Variants in ATP13A5 observed in about 807,000 individuals in gnomAD.
The protein encoded by ATP13A5 is probable cation-transporting ATPase 13A5.
ATP13A5 carries 149 observed loss-of-function variants against 150.2 expected under a neutral mutation model. That is an observed-to-expected ratio of 0.99 (90% CI 0.87 to 1.14). The LOEUF (loss-of-function observed/expected upper bound fraction) is 1.14. Among genes scored for constraint, ATP13A5 ranks in the 50% most tolerant of loss-of-function variants. ATP13A5 has a pLI of 0.00. For missense variants in ATP13A5, 1,383 were observed against 1,449.3 expected, an observed-to-expected ratio of 0.95 and a Z score of 0.74; for synonymous variants, 497 against 522.2, an observed-to-expected ratio of 0.95 and a Z score of 0.66.
At chr3:193,331,364 A>G in intron 11 of ATP13A5, 53 bp from the exon 12 acceptor site, 1 of 1,523,646 alleles carries the variant, frequency 6.6e-7, no homozygotes, top group Non-Finnish European at 8.9e-7. Flanking sequence ...GCAGACTGCC[A>G]CCCTTCCTAG....
At chr3:193,280,775 C>G (rs1489362746) in intron 27 of ATP13A5, among the ~76,000 whole-genome samples, 2 of 152,152 alleles carry the variant, frequency 1.3e-5, no homozygotes, top group African/African-American at 4.8e-5. Context: ...ATTTAATCAG[C>G]ATTGCCATGA....
At chr3:193,305,485 T>G in intron 23 of ATP13A5, 74 bp downstream of exon 23, 2 of 1,152,884 alleles carry the variant, frequency 1.7e-6, no homozygotes, top group Non-Finnish European at 2.6e-6. Context: ...CTTTAGCTTG[T>G]AGTTGAATTC....
chr3:193,352,325 G>T (rs188592295), intron 6 of ATP13A5, among the ~76,000 whole-genome samples: 78 of 152,236 alleles, frequency 5.1e-4, no homozygotes, highest in African/African-American at 1.8e-3. Context: ...ATTATAAAAT[G>T]CTCTGATTGT....
At chr3:193,286,162 T>C (rs776161514) in intron 26 of ATP13A5, among the ~76,000 whole-genome samples, 4 of 152,194 alleles carry the variant, frequency 2.6e-5, no homozygotes, top group Non-Finnish European at 4.4e-5. Flanking sequence ...CAAATTAGTT[T>C]CCACCAGCTT....
At chr3:193,294,978 G>A (rs560254198) in intron 25 of ATP13A5, among the ~76,000 whole-genome samples, 39 of 152,228 alleles carry the variant, frequency 2.6e-4, no homozygotes, top group Admixed American at 2.2e-3. Context: ...TCCTAAGAGA[G>A]TATCATGCCA....
Position 193,285,113 on chromosome 3 carries a change from C to T in ATP13A5, c.3027G>A (p.Glu1009=). Residue 1009 remains glutamate (E), a synonymous_variant, in exon 27 of 30, where the codon GAG becomes GAA. Coordinates refer to ENST00000342358, the MANE Select transcript of ATP13A5 (RefSeq NM_198505.4). The part of the protein sequence containing the change: ...PWYCEVYQYS[E]CFLANQSNFS... ...AATTACTTTGGTTGGCCAGAAAACACTCACTACAAAAGAATCACCAGTGTT... is the reference window on the plus strand; with the variant it reads ...AATTACTTTGGTTGGCCAGAAAACATTCACTACAAAAGAATCACCAGTGTT... The T allele has an allele frequency of 6.2e-7, 1 of 1,613,358 alleles. No homozygotes were observed. Among genetic ancestry groups the T allele is most frequent in the Non-Finnish European group, 8.5e-7 (1 of 1,179,618 alleles).
At chr3:193,343,874 T>G (rs1712219927) in intron 9 of ATP13A5, 53 bp downstream of exon 9, 1 of 1,581,414 alleles carries the variant, frequency 6.3e-7, no homozygotes, top group Admixed American at 1.8e-5. Context: ...GAGGATATGT[T>G]GATCTGATTA....
At chr3:193,298,797 T>G (rs919979220) in intron 25 of ATP13A5, among the ~76,000 whole-genome samples, 5 of 152,190 alleles carry the variant, frequency 3.3e-5, no homozygotes, top group African/African-American at 1.2e-4. Context: ...ATGTGAAGCA[T>G]AGCTGAATAA....
At chr3:193,303,939 T>C (rs1052970130) in intron 23 of ATP13A5, among the ~76,000 whole-genome samples, 11 of 151,906 alleles carry the variant, frequency 7.2e-5, no homozygotes, top group African/African-American at 2.4e-4. Flanking sequence ...TTTGCTGGAA[T>C]GTAAATTCTC....
chr3:193,334,787 G>A (rs1711782082), intron 10 of ATP13A5, 142 bp downstream of exon 10: 1 of 706,308 alleles, frequency 1.4e-6, no homozygotes, highest in Non-Finnish European at 2.3e-6. Flanking sequence ...TGACACTTTA[G>A]AATAATAAGT....
Position 193,363,383 on chromosome 3 carries a change from C to G in ATP13A5, c.238-1G>C. 1 of 1,609,780 alleles carries G rather than the reference C, an allele frequency of 6.2e-7. No homozygotes were observed. On this transcript the variant is annotated splice_acceptor_variant, in intron 2 of 29. Coordinates refer to ENST00000342358, the MANE Select transcript of ATP13A5 (RefSeq NM_198505.4). LOFTEE classifies it high-confidence loss of function. ...TCCTCATATATCTTTGAAATTCGTC[C>G]TGGAAAAGACAATCCAGTTCATGAA...
intron 27 of ATP13A5, among the ~76,000 whole-genome samples, chr3:193,283,749 T>C (rs888397235): frequency 6.6e-6 from 1 of 151,990 alleles, no homozygotes; most frequent in African/African-American, 2.4e-5. Flanking sequence ...TTTCTTATCC[T>C]AAGGAAATAA....
chr3:193,356,677 A>T (rs575914609), intron 5 of ATP13A5, among the ~76,000 whole-genome samples: 13 of 152,330 alleles, frequency 8.5e-5, no homozygotes, highest in African/African-American at 3.1e-4. Flanking sequence ...CCTCTGGCAC[A>T]ATTAACTCTA....
At chr3:193,315,694 TA>T in intron 17 of ATP13A5, among the ~76,000 whole-genome samples, 1 of 152,188 alleles carries the variant, frequency 6.6e-6, no homozygotes, top group Non-Finnish European at 1.5e-5. Context: ...TTTTAAAAAG[TA>T]AATTTGGGGG....
In ATP13A5 at chr3:193,307,373, C is replaced by A. The variant is rs781534573; in HGVS notation, c.2526-4G>T. 4 of 1,613,610 alleles carry A rather than the reference C, an allele frequency of 2.5e-6. No homozygotes were observed. The Admixed American group carries it at 6.7e-5, about 27-fold the overall frequency. ...TCCACACATGCCCACATAATAACTG[C>A]GGGAGACAGGAGAAGAAGGATTAAT... On this transcript the variant is annotated splice_region_variant and splice_polypyrimidine_tract_variant and intron_variant, in intron 21 of 29. Transcript: ENST00000342358.
At chr3:193,275,584 C>A (rs931118156) in intron 29 of ATP13A5, among the ~76,000 whole-genome samples, 15 of 142,548 alleles carry the variant, frequency 1.1e-4, no homozygotes, top group African/African-American at 3.7e-4. Context: ...TCCCCTCAGA[C>A]TGAAATGGTA....
Position 193,362,633 on chromosome 3 carries a change from C to T in ATP13A5, c.389G>A (p.Arg130Gln), listed in dbSNP as rs199685551. Residue 130 changes from arginine (R) to glutamine (Q), a missense_variant, in exon 4 of 30, where the codon CGG (arginine) becomes CAG (glutamine). Around this residue, in one of 3 missense-constraint regions of ATP13A5, gnomAD observed 787 missense variants for 771.9 expected, o/e 1.02. Coordinates refer to ENST00000342358, the MANE Select transcript of ATP13A5 (RefSeq NM_198505.4). Reference sequence around the variant, plus strand: ...CCTGATTTTCTGCACTTCCATGCACCGCAGCTACGATTGCAAATGTGATAG... The same window carrying T: ...CCTGATTTTCTGCACTTCCATGCACTGCAGCTACGATTGCAAATGTGATAG... The part of the protein sequence containing the change: ...QALIKPELKL[R>Q]CMEVQKIRYV... 17 of 1,614,120 alleles carry T rather than the reference C, an allele frequency of 1.1e-5. No homozygotes were observed. Among genetic ancestry groups the T allele is most frequent in the African/African-American group, 6.7e-5 (5 of 75,058 alleles).
At chr3:193,363,091 C>A (rs1043399090) in intron 3 of ATP13A5, 145 bp downstream of exon 3, 3 of 1,035,006 alleles carry the variant, frequency 2.9e-6, no homozygotes, top group Non-Finnish European at 4.1e-6. Flanking sequence ...ACGTGAACGA[C>A]CATGCCCAGC....
intron 11 of ATP13A5, among the ~76,000 whole-genome samples, chr3:193,332,883 C>T (rs1057063924): frequency 6.6e-6 from 1 of 152,050 alleles, no homozygotes; most frequent in Non-Finnish European, 1.5e-5. Context: ...AGCTTTTTTC[C>T]TGCTTTTCTG....
Sources: allele counts gnomAD v4.1 joint callset (sites outside exome capture counted in the v4.1 genomes callset), GRCh38; gene constraint gnomAD v4.1.1; regional missense constraint gnomAD v4.1.1; transcripts MANE v1.5; gene names NCBI Gene and HGNC (gene_info 2026-07-23, HGNC 2026-07-21).